The following CREB5 variants were observed in gnomAD, a reference collection of about 807,000 sequenced individuals.
The protein encoded by CREB5 is cyclic AMP-responsive element-binding protein 5.
CREB5 carries 19 observed loss-of-function variants against 57.1 expected under a neutral mutation model. The ratio of observed to expected loss-of-function variants is 0.33; its 90% CI spans 0.23 to 0.49. The LOEUF is 0.49. CREB5 is among the 20% of genes least tolerant of loss of function. The probability of loss-of-function intolerance (pLI) is 0.99; values close to 1 mark genes in which losing one functional copy is unlikely to be tolerated. For synonymous variants in CREB5, 238 were observed against 238.3 expected (o/e 1.00, Z 0.01); for missense variants, 579 against 671.6 (o/e 0.86, Z 1.52).
At chr7:28,510,958 T>G (rs930155973) in intron 4 of CREB5, among the ~76,000 whole-genome samples, 2 of 152,150 alleles carry the variant, frequency 1.3e-5, no homozygotes, top group East Asian at 1.9e-4. Flanking sequence ...AGAAATTTTG[T>G]TCATCATTTT....
intron 7 of CREB5, among the ~76,000 whole-genome samples, chr7:28,782,392 T>G (rs1807040394): frequency 6.6e-6 from 1 of 152,190 alleles, no homozygotes; most frequent in African/African-American, 2.4e-5. Flanking sequence ...CACACTTAAT[T>G]AGAAAATTTG....
chr7:28,438,397 A>G (rs1789046740), intron 1 of CREB5, among the ~76,000 whole-genome samples: 1 of 152,170 alleles, frequency 6.6e-6, no homozygotes, highest in Non-Finnish European at 1.5e-5. Flanking sequence ...GATGGGCTAG[A>G]GATCACTGAT....
At chr7:28,745,718 G>A (rs984462125) in intron 7 of CREB5, among the ~76,000 whole-genome samples, 5 of 152,176 alleles carry the variant, frequency 3.3e-5, no homozygotes, top group African/African-American at 7.2e-5. Context: ...GCAACAGGCC[G>A]GAGCTGTCTA....
intron 1 of CREB5, among the ~76,000 whole-genome samples, chr7:28,395,535 C>G (rs1490537979): frequency 1.3e-5 from 2 of 152,202 alleles, no homozygotes; most frequent in Non-Finnish European, 2.9e-5. Flanking sequence ...CTCCCCTACT[C>G]CTTTCTTTTT....
At chr7:28,684,847 C>T (rs1041921562) in intron 5 of CREB5, among the ~76,000 whole-genome samples, 2 of 152,010 alleles carry the variant, frequency 1.3e-5, no homozygotes, top group Admixed American at 6.5e-5. Context: ...TTGAAGGAAA[C>T]ATGAAGTGTG....
chr7:28,354,760 A>G (rs1232579139), intron 1 of CREB5, among the ~76,000 whole-genome samples: 1 of 152,178 alleles, frequency 6.6e-6, no homozygotes, highest in Non-Finnish European at 1.5e-5. Flanking sequence ...CCATTTGGCA[A>G]GGGGTAGCCA....
At chr7:28,766,466 T>C (rs1168822710) in intron 7 of CREB5, among the ~76,000 whole-genome samples, 1 of 152,250 alleles carries the variant, frequency 6.6e-6, no homozygotes, top group African/African-American at 2.4e-5. Flanking sequence ...GTTGAAAAGA[T>C]GACAAGGTTA....
chr7:28,370,151 C>T (rs1786677958), intron 1 of CREB5, among the ~76,000 whole-genome samples: 1 of 152,192 alleles, frequency 6.6e-6, no homozygotes, highest in Non-Finnish European at 1.5e-5. Flanking sequence ...TAAGTATTTA[C>T]ATTTCTCATT....
At chr7:28,479,263 GA>G (rs58744300) in intron 1 of CREB5, among the ~76,000 whole-genome samples, 6,736 of 152,242 alleles carry the variant, frequency 0.044, 488 homozygotes, top group African/African-American at 0.15. Flanking sequence ...GTGTTGCACA[GA>G]ACCAGTCATT....
rs56214948 is a variant in CREB5 at position 28,822,762 on chromosome 7, G to T, written c.*3483G>T. 3 of 152,480 alleles carry T rather than the reference G, an allele frequency of 2.0e-5. No individual in the cohort carries two copies. Among genetic ancestry groups the T allele is most frequent in the African/African-American group, 4.8e-5 (2 of 41,434 alleles). 9.4% of individuals were successfully genotyped at this position (152,480 alleles called of 1,614,324 possible). Reference sequence around the variant, plus strand: ...CTCCTTGACACATTTCTCAATCCACGAAGCCAGGAGAGGTAGAGTGAAAAT... The same window carrying T: ...CTCCTTGACACATTTCTCAATCCACTAAGCCAGGAGAGGTAGAGTGAAAAT... On this transcript the variant is annotated 3_prime_UTR_variant, in exon 11 of 11. Transcript: ENST00000357727.
chr7:28,490,418 G>C (rs1479442898), intron 2 of CREB5, among the ~76,000 whole-genome samples: 2 of 152,322 alleles, frequency 1.3e-5, no homozygotes, highest in East Asian at 3.9e-4. Flanking sequence ...GGCAAAAGAG[G>C]GTTCAGGGTG....
At chr7:28,809,957 AG>A (rs923701523) in intron 9 of CREB5, among the ~76,000 whole-genome samples, 7 of 152,216 alleles carry the variant, frequency 4.6e-5, no homozygotes, top group African/African-American at 1.7e-4. Context: ...GAAGAAAGAA[AG>A]GTTGATGGTC....
At chr7:28,752,561 T>C (rs1388044073) in intron 7 of CREB5, among the ~76,000 whole-genome samples, 1 of 152,354 alleles carries the variant, frequency 6.6e-6, no homozygotes, top group Admixed American at 6.5e-5. Flanking sequence ...CCTGAACTTA[T>C]GAAATAAGTA....
intron 5 of CREB5, among the ~76,000 whole-genome samples, chr7:28,683,187 T>C (rs1209921357): frequency 6.6e-6 from 1 of 151,956 alleles, no homozygotes; most frequent in African/African-American, 2.4e-5. Context: ...GGACATGGGG[T>C]AGGGGAGAAG....
intron 1 of CREB5, among the ~76,000 whole-genome samples, chr7:28,378,672 T>C (rs949869678): frequency 3.3e-5 from 5 of 152,210 alleles, no homozygotes; most frequent in South Asian, 2.1e-4. Context: ...TGTTCATCCA[T>C]CACTAATTGA....
At chr7:28,428,675 C>T (rs1019216350) in intron 1 of CREB5, among the ~76,000 whole-genome samples, 1 of 152,064 alleles carries the variant, frequency 6.6e-6, no homozygotes, top group African/African-American at 2.4e-5. Context: ...CAGTTTTGGG[C>T]ATGTTGTATG....
At chr7:28,398,888 A>C (rs912531021) in intron 1 of CREB5, among the ~76,000 whole-genome samples, 1 of 151,930 alleles carries the variant, frequency 6.6e-6, no homozygotes, top group African/African-American at 2.4e-5. Context: ...ATTTTTAAAA[A>C]ATTTTGTTGT....
chr7:28,622,033 T>A (rs978300649), intron 5 of CREB5, among the ~76,000 whole-genome samples: 1 of 152,082 alleles, frequency 6.6e-6, no homozygotes, highest in Non-Finnish European at 1.5e-5. Context: ...CCAAAAAAGA[T>A]CTTATTACCA....
intron 1 of CREB5, among the ~76,000 whole-genome samples, chr7:28,395,230 T>A (rs1035333457): frequency 5.9e-5 from 9 of 152,232 alleles, no homozygotes; most frequent in African/African-American, 2.2e-4. Flanking sequence ...GTTTGGAGTA[T>A]TCATCTATTC....
Sources: gnomAD v4.1 joint callset for allele counts (sites outside exome capture counted in the v4.1 genomes callset) on GRCh38, gnomAD v4.1.1 for gene constraint, MANE v1.5 for transcripts, NCBI Gene and HGNC (gene_info 2026-07-23, HGNC 2026-07-21) for gene names.